CACNG8: variants seen among roughly 807,000 people sequenced by gnomAD.
CACNG8 encodes calcium voltage-gated channel auxiliary subunit gamma 8.
Under a neutral mutation model 26.9 loss-of-function variants are expected in CACNG8, and 5 were observed. The ratio of observed to expected loss-of-function variants is 0.19; its 90% CI spans 0.10 to 0.39. CACNG8 has a LOEUF of 0.39. CACNG8 is among the 10% of genes least tolerant of loss of function. CACNG8 has a pLI of 1.00. For synonymous variants in CACNG8, 321 were observed against 296.7 expected (o/e 1.08, Z -0.84); for missense variants, 473 against 609.4 (o/e 0.78, Z 2.36).
Position 53,982,093 on chromosome 19 carries a change from C to T in CACNG8, c.522C>T (p.Ile174=), listed in dbSNP as rs370574892. The T allele has an allele frequency of 9.4e-6, 15 of 1,591,770 alleles. No homozygotes were observed. Among genetic ancestry groups the T allele is most frequent in the Non-Finnish European group, 1.1e-5 (13 of 1,169,906 alleles). ...GTCCCCGCCCAGGCCTGAGCAACAT[C>T]ATCGGCGTGATCGTGTACATCTCCG... Residue 174 remains isoleucine, a synonymous_variant, in exon 4 of 4, where the codon ATC becomes ATT. Transcript: ENST00000270458. The surrounding 1 kb of genome is among the most constrained non-coding windows in gnomAD (Gnocchi z 8.4).
At chr19:53,979,206 TG>T (rs5828562) in intron 2 of CACNG8, among the ~76,000 whole-genome samples, 59 of 69,298 alleles carry the variant, frequency 8.5e-4, no homozygotes, top group African/African-American at 5.1e-3. Flanking sequence ...AAAAGCGGGG[TG>T]GGGGGGGACC....
rs1248027804 is a variant in CACNG8 at position 53,982,425 on chromosome 19, C to CGTCGCG, written c.856_861dup (p.Ser286_Arg287dup). ...AGCTCCCGCTCCAGCGAGCCGTCGC[C>CGTCGCG]GTCGCGGGACGCGTCTCCCGGCGGC... is the stretch of plus-strand genomic sequence containing the variant. On this transcript the variant is annotated inframe_insertion, in exon 4 of 4. Coordinates refer to ENST00000270458, the MANE Select transcript of CACNG8 (RefSeq NM_031895.6). The surrounding 1 kb of genome is among the most constrained non-coding windows in gnomAD (Gnocchi z 8.4). 6.6e-6 allele frequency: 10 copies of CGTCGCG among 1,519,678 alleles called. No individual in the cohort carries two copies. The highest frequency in any genetic ancestry group is 8.8e-6 in the Non-Finnish European group (10 of 1,140,614). The allele number at this position is 1,519,678 out of a possible 1,614,324, so 94.1% of individuals were successfully genotyped here. A position where few individuals can be genotyped will look rare whatever the true frequency, so the allele number is the denominator to read the frequency against.
At chr19:53,964,667 C>T (rs1333766351) in intron 1 of CACNG8, among the ~76,000 whole-genome samples, 2 of 152,142 alleles carry the variant, frequency 1.3e-5, no homozygotes, top group Non-Finnish European at 2.9e-5. Context: ...CTCTCGACTT[C>T]CCCACTTCTC....
chr19:53,965,445 A>C (rs1466971410), intron 1 of CACNG8, among the ~76,000 whole-genome samples: 1 of 151,646 alleles, frequency 6.6e-6, no homozygotes, highest in Non-Finnish European at 1.5e-5. Flanking sequence ...CTCCTGTGGA[A>C]GTTTGAGTTC....
Position 53,987,150 on chromosome 19 carries a change from CT to C in CACNG8, c.*4302del, listed in dbSNP as rs2069412768. The C allele has an allele frequency of 6.6e-6, 1 of 152,248 alleles. No individual in the cohort carries two copies. Among genetic ancestry groups the C allele is most frequent in the South Asian group, 2.1e-4 (1 of 4,838 alleles). The allele number at this position is 152,248 out of a possible 1,614,324, so 9.4% of individuals were successfully genotyped here. On this transcript the variant is annotated 3_prime_UTR_variant, in exon 4 of 4. Transcript: ENST00000270458. ...GGGCTGATCTCGGCTCACTGCCAAC[CT>C]CCGCCTCCCAAGTTCAAGTGATTCT... is the stretch of plus-strand genomic sequence containing the variant.
At position 53,982,074 on chromosome 19, in the gene CACNG8, G is replaced by A. The variant is rs1381906807; in HGVS notation, c.509-6G>A. On this transcript the variant is annotated splice_region_variant and splice_polypyrimidine_tract_variant and intron_variant, in intron 3 of 3. Transcript: ENST00000270458. This position sits in a 1 kb window ranked among gnomAD's most constrained non-coding sequence, Gnocchi z 8.4. The stretch of plus-strand genomic sequence containing the variant: ...TCGAGGCTCCCGTCTGACCGTCCCC[G>A]CCCAGGCCTGAGCAACATCATCGGC... The A allele has an allele frequency of 6.4e-7, 1 of 1,555,006 alleles. No individual in the cohort carries two copies. The highest frequency in any genetic ancestry group is 8.7e-7 in the Non-Finnish European group (1 of 1,150,658).
At chr19:53,979,492 A>T (rs1293630047) in intron 2 of CACNG8, among the ~76,000 whole-genome samples, 1 of 151,972 alleles carries the variant, frequency 6.6e-6, no homozygotes, top group Non-Finnish European at 1.5e-5. Flanking sequence ...GGAGAAAGAA[A>T]TTCGCAGACG....
chr19:53,984,319 C>G lies in CACNG8; in HGVS notation c.*1470C>G, dbSNP rs545800447. On this transcript the variant is annotated 3_prime_UTR_variant, in exon 4 of 4. Transcript: ENST00000270458. ...CAAGCAGTTTATTGTCATCAAACAC[C>G]GCCATCCAGGCAGGGCAATCGGTGC... The G allele has an allele frequency of 6.6e-6, 1 of 152,294 alleles. No individual in the cohort carries two copies. The highest frequency in any genetic ancestry group is 2.4e-5 in the African/African-American group (1 of 41,528). 9.4% of individuals were successfully genotyped at this position (152,294 alleles called of 1,614,324 possible).
rs1450386628 is a variant in CACNG8, at chr19:53,983,335, GCATT to G, written c.*495_*498del. 1 of 152,240 alleles carries G rather than the reference GCATT, an allele frequency of 6.6e-6. No individual in the cohort carries two copies. Among genetic ancestry groups the G allele is most frequent in the East Asian group, 1.9e-4 (1 of 5,178 alleles). The allele number at this position is 152,240 out of a possible 1,614,324, so 9.4% of individuals were successfully genotyped here. A position where few individuals can be genotyped will look rare whatever the true frequency, so the allele number is the denominator to read the frequency against. ...AGGCAGAAAGAAGGGTTGGACGCGG[GCATT>G]CATTCATTTTTTTCATTCATTATTC... On this transcript the variant is annotated 3_prime_UTR_variant, in exon 4 of 4. Transcript: ENST00000270458.
At chr19:53,970,547 C>T (rs2033445749) in intron 1 of CACNG8, among the ~76,000 whole-genome samples, 1 of 150,870 alleles carries the variant, frequency 6.6e-6, no homozygotes, top group Non-Finnish European at 1.5e-5. Context: ...ATCGCTTGAA[C>T]CCAGGAGGCG....
At chr19:53,971,659 G>A (rs762909817) in intron 1 of CACNG8, among the ~76,000 whole-genome samples, 3 of 152,202 alleles carry the variant, frequency 2.0e-5, no homozygotes, top group African/African-American at 7.2e-5. Flanking sequence ...ACCATACAGA[G>A]CCCCTTTGCT....
chr19:53,965,842 T>C (rs2069269353), intron 1 of CACNG8, among the ~76,000 whole-genome samples: 1 of 151,932 alleles, frequency 6.6e-6, no homozygotes, highest in Non-Finnish European at 1.5e-5. Flanking sequence ...TAGGAAAAGC[T>C]TCCCCGAGCA....
intron 1 of CACNG8, among the ~76,000 whole-genome samples, chr19:53,968,329 C>G (rs902945565): frequency 6.6e-6 from 1 of 150,968 alleles, no homozygotes; most frequent in Non-Finnish European, 1.5e-5. Flanking sequence ...GAGACATGAT[C>G]ATACCACTAC....
intron 2 of CACNG8, among the ~76,000 whole-genome samples, chr19:53,979,628 G>A (rs530501537): frequency 6.6e-6 from 1 of 151,910 alleles, no homozygotes; most frequent in African/African-American, 2.4e-5. Context: ...AAAATAGTCC[G>A]AAGAAAAAAG....
In CACNG8 at chr19:53,984,008, G is replaced by A. The variant is rs1456581605; in HGVS notation, c.*1159G>A. The A allele has an allele frequency of 6.6e-6, 1 of 152,362 alleles. No individual in the cohort carries two copies. The highest frequency in any genetic ancestry group is 2.4e-5 in the African/African-American group (1 of 41,442). The allele number at this position is 152,362 out of a possible 1,614,324, so 9.4% of individuals were successfully genotyped here. ...GTGTACAAAGGGAAGACAGGAACTC[G>A]GAGGCAAGAGTAGGAGGCAGAGATG... On this transcript the variant is annotated 3_prime_UTR_variant, in exon 4 of 4. Coordinates refer to ENST00000270458, the MANE Select transcript of CACNG8 (RefSeq NM_031895.6).
chr19:53,965,479 A>T (rs1308356403), intron 1 of CACNG8, among the ~76,000 whole-genome samples: 1 of 151,802 alleles, frequency 6.6e-6, no homozygotes, highest in African/African-American at 2.4e-5. Flanking sequence ...GGTCTGACCA[A>T]GTACCAGGCA....
rs137982201 is a variant in CACNG8 at position 53,968,049 on chromosome 19, T to C, written c.283+4624T>C. On this transcript the variant is annotated intron_variant, in intron 1 of 3. Coordinates refer to ENST00000270458, the MANE Select transcript of CACNG8 (RefSeq NM_031895.6). ...GGAGATATCAGTTTGAGGGGCATCA[T>C]CATATAGATGAATCAGATGGATGGA... is the stretch of plus-strand genomic sequence containing the variant. 2.5e-3 allele frequency among the ~76,000 whole-genome samples: 382 copies of C among 151,970 alleles called. 1 individual carries two copies. The highest frequency in any genetic ancestry group is 8.5e-3 in the African/African-American group (353 of 41,454).
In CACNG8 at chr19:53,986,146, C is replaced by G. The variant is rs370924280; in HGVS notation, c.*3297C>G. ...CAAATCAGAGAAGTCCCAGAGATAG[C>G]AGAAACACACACAGAGACAGAGATA... is the stretch of plus-strand genomic sequence containing the variant. On this transcript the variant is annotated 3_prime_UTR_variant, in exon 4 of 4. Transcript: ENST00000270458. 1.1e-4 allele frequency: 17 copies of G among 152,570 alleles called. No individual in the cohort carries two copies. In the East Asian group the frequency reaches 3.3e-3, roughly 29 times the overall value. 9.5% of individuals were successfully genotyped at this position (152,570 alleles called of 1,614,324 possible). A position where few individuals can be genotyped will look rare whatever the true frequency, so the allele number is the denominator to read the frequency against.
intron 1 of CACNG8, among the ~76,000 whole-genome samples, chr19:53,970,088 G>A (rs955307207): frequency 3.9e-5 from 6 of 152,180 alleles, no homozygotes; most frequent in Non-Finnish European, 7.3e-5. Context: ...AGGCCGAGGC[G>A]GGCGGATCAC....
Sources: allele counts gnomAD v4.1 joint callset (sites outside exome capture counted in the v4.1 genomes callset), GRCh38; gene constraint gnomAD v4.1.1; non-coding constraint Gnocchi (gnomAD v3.1); transcripts MANE v1.5; gene names NCBI Gene and HGNC (gene_info 2026-07-23, HGNC 2026-07-21).